TSPAN13: variants seen among roughly 807,000 people sequenced by gnomAD.
TSPAN13 encodes tetraspanin 13.
In TSPAN13, 18 loss-of-function variants were observed where a neutral mutation model predicts 26.9. That is an observed-to-expected ratio of 0.67 (90% CI 0.46 to 0.99). The LOEUF is 0.99. Ranked by LOEUF, TSPAN13 falls within the 50% of genes least tolerant of loss-of-function variation. The pLI is 0.00. For synonymous variants in TSPAN13, 116 were observed against 98.4 expected (o/e 1.18, Z -1.06); for missense variants, 201 against 249.6 (o/e 0.81, Z 1.31).
chr7:16,763,509 T>C (rs1784569443), intron 1 of TSPAN13, among the ~76,000 whole-genome samples: 1 of 152,226 alleles, frequency 6.6e-6, no homozygotes, highest in African/African-American at 2.4e-5. Context: ...CTTTTCAGCT[T>C]AGCTTGCCTC....
rs770014896 is a variant in TSPAN13, at chr7:16,777,772, T to C, written c.313-26T>C. The C allele has an allele frequency of 1.7e-5, 26 of 1,574,570 alleles. No homozygotes were observed. The South Asian group carries it at 2.9e-4, about 18-fold the overall frequency. Reference sequence around the variant, plus strand: ...ATACATTTTCTGCAGGGATGACACATTTTATATATTAAACACATTTACTAG... The same window carrying C: ...ATACATTTTCTGCAGGGATGACACACTTTATATATTAAACACATTTACTAG... On this transcript the variant is annotated intron_variant, in intron 3 of 5. Coordinates refer to ENST00000262067, the MANE Select transcript of TSPAN13 (RefSeq NM_014399.4).
intron 1 of TSPAN13, among the ~76,000 whole-genome samples, chr7:16,770,818 T>C (rs1396183220): frequency 1.3e-5 from 2 of 152,228 alleles, no homozygotes; most frequent in African/African-American, 4.8e-5. Context: ...TTTGAATTGT[T>C]TGTCTTGAGG....
chr7:16,780,007 G>A (rs765932587), intron 5 of TSPAN13, among the ~76,000 whole-genome samples: 12 of 151,952 alleles, frequency 7.9e-5, no homozygotes, highest in Non-Finnish European at 1.3e-4. Flanking sequence ...TCCTGACCTC[G>A]TGATCTGCCC....
rs1784770059 is a variant in TSPAN13 at position 16,777,784 on chromosome 7, AAC to A, written c.313-10_313-9del. Reference sequence around the variant, plus strand: ...CAGGGATGACACATTTTATATATTAAACACATTTACTAGGGTCAGCTTCTGGA... The same window carrying A: ...CAGGGATGACACATTTTATATATTAAACATTTACTAGGGTCAGCTTCTGGA... On this transcript the variant is annotated splice_polypyrimidine_tract_variant and intron_variant, in intron 3 of 5. Transcript: ENST00000262067. 1.9e-6 allele frequency: 3 copies of A among 1,607,182 alleles called. No individual in the cohort carries two copies. The highest frequency in any genetic ancestry group is 2.6e-6 in the Non-Finnish European group (3 of 1,174,790).
rs1161696152 is a variant in TSPAN13 at position 16,777,135 on chromosome 7, T to G, written c.312+13T>G. 2 of 1,593,380 alleles carry G rather than the reference T, an allele frequency of 1.3e-6. No homozygotes were observed. The highest frequency in any genetic ancestry group is 1.3e-5 in the African/African-American group (1 of 74,454). On this transcript the variant is annotated intron_variant, in intron 3 of 5. Coordinates refer to ENST00000262067, the MANE Select transcript of TSPAN13 (RefSeq NM_014399.4). Reference sequence around the variant, plus strand: ...CCAGGAGCAACAGGTAAGCTAAGACTTTTTTCTTCTACTTTATTATACCAC... The same window carrying G: ...CCAGGAGCAACAGGTAAGCTAAGACGTTTTTCTTCTACTTTATTATACCAC...
intron 1 of TSPAN13, 75 bp from the exon 2 acceptor site, chr7:16,776,136 T>G (rs1784740542): frequency 1.4e-6 from 2 of 1,468,694 alleles, no homozygotes; most frequent in Non-Finnish European, 1.9e-6. Context: ...TTGTTGATAT[T>G]TAATTAACTG....
At chr7:16,763,974 A>T (rs747760380) in intron 1 of TSPAN13, among the ~76,000 whole-genome samples, 1 of 152,178 alleles carries the variant, frequency 6.6e-6, no homozygotes, top group South Asian at 2.1e-4. Context: ...ACACCCGCTT[A>T]TGCTAGATTA....
chr7:16,782,036 T>C (rs1462403639), intron 5 of TSPAN13, among the ~76,000 whole-genome samples: 1 of 152,200 alleles, frequency 6.6e-6, no homozygotes, highest in East Asian at 1.9e-4. Flanking sequence ...GTTGCCTCAG[T>C]TTCCTCACTG....
chr7:16,777,367 G>C (rs1784762868), intron 3 of TSPAN13, among the ~76,000 whole-genome samples: 1 of 152,084 alleles, frequency 6.6e-6, no homozygotes, highest in Admixed American at 6.6e-5. Context: ...AAAGTGCTAT[G>C]GCTAAAAGAT....
intron 1 of TSPAN13, among the ~76,000 whole-genome samples, chr7:16,769,234 G>A (rs1409206110): frequency 1.3e-5 from 2 of 152,088 alleles, no homozygotes; most frequent in Non-Finnish European, 2.9e-5. Context: ...TCCAAAATAT[G>A]TAGAGTCAGG....
intron 1 of TSPAN13, among the ~76,000 whole-genome samples, chr7:16,764,384 T>C (rs1149526): frequency 0.42 from 64,101 of 151,926 alleles, 14,761 homozygotes; most frequent in African/African-American, 0.6. Flanking sequence ...CATAAACACA[T>C]GGTGCTTAAT....
In TSPAN13 at chr7:16,784,534, G is replaced by A. The variant is rs1315177608; in HGVS notation, c.*1043G>A. The A allele has an allele frequency of 1.3e-5, 2 of 152,164 alleles. No homozygotes were observed. The highest frequency in any genetic ancestry group is 4.8e-5 in the African/African-American group (2 of 41,460). The allele number at this position is 152,164 out of a possible 1,614,324, so 9.4% of individuals were successfully genotyped here. ...GAAAGTAATGGAAGAATTGATCGAT[G>A]AATTAAGTGAGGTGGAATTCTTTTC... On this transcript the variant is annotated 3_prime_UTR_variant, in exon 6 of 6. Coordinates refer to ENST00000262067, the MANE Select transcript of TSPAN13 (RefSeq NM_014399.4).
Position 16,783,773 on chromosome 7 carries a change from C to T in TSPAN13, c.*282C>T. The T allele has an allele frequency of 2.3e-6, 1 of 431,048 alleles. No individual in the cohort carries two copies. The highest frequency in any genetic ancestry group is 4.2e-6 in the Non-Finnish European group (1 of 237,560). 26.7% of individuals were successfully genotyped at this position (431,048 alleles called of 1,614,324 possible). A position where few individuals can be genotyped will look rare whatever the true frequency, so the allele number is the denominator to read the frequency against. On this transcript the variant is annotated 3_prime_UTR_variant, in exon 6 of 6. Coordinates refer to ENST00000262067, the MANE Select transcript of TSPAN13 (RefSeq NM_014399.4). ...CTGTGGCCTTTCTTAGCATTTTTAC[C>T]TGCAGAAAAACTTTGTATGGTACCA...
chr7:16,781,528 C>T (rs1383425969), intron 5 of TSPAN13, among the ~76,000 whole-genome samples: 1 of 152,132 alleles, frequency 6.6e-6, no homozygotes, highest in African/African-American at 2.4e-5. Flanking sequence ...TTGGATGTAG[C>T]CTTCCTTTCT....
At chr7:16,771,442 G>A (rs1283320864) in intron 1 of TSPAN13, among the ~76,000 whole-genome samples, 1 of 152,190 alleles carries the variant, frequency 6.6e-6, no homozygotes, top group Non-Finnish European at 1.5e-5. Context: ...ATTAAATGAA[G>A]AATCTTGAGA....
intron 1 of TSPAN13, among the ~76,000 whole-genome samples, chr7:16,773,863 T>C (rs1380381): frequency 0.22 from 33,883 of 152,140 alleles, 4,352 homozygotes; most frequent in African/African-American, 0.36. Flanking sequence ...GTAATTCTTC[T>C]GGTGAATTTA....
At chr7:16,778,685 T>C (rs143738894) in intron 4 of TSPAN13, among the ~76,000 whole-genome samples, 70 of 152,342 alleles carry the variant, frequency 4.6e-4, no homozygotes, top group African/African-American at 1.7e-3. Context: ...ACTGTGAGAA[T>C]CTCTCCATTC....
intron 1 of TSPAN13, among the ~76,000 whole-genome samples, chr7:16,766,760 C>A (rs561591975): frequency 1.3e-5 from 2 of 152,222 alleles, no homozygotes; most frequent in Non-Finnish European, 2.9e-5. Context: ...AAAGTTAGAC[C>A]AATTTACAGA....
chr7:16,759,887 G>T (rs1187339085), intron 1 of TSPAN13, among the ~76,000 whole-genome samples: 3 of 152,034 alleles, frequency 2.0e-5, no homozygotes, highest in Non-Finnish European at 4.4e-5. Flanking sequence ...GACGGGGTCT[G>T]TGTTGTCTGG....
Sources: gnomAD v4.1 joint callset for allele counts (sites outside exome capture counted in the v4.1 genomes callset) on GRCh38, gnomAD v4.1.1 for gene constraint, MANE v1.5 for transcripts, NCBI Gene and HGNC (gene_info 2026-07-23, HGNC 2026-07-21) for gene names.